The following HSPG2 variants were observed in gnomAD, a reference collection of about 807,000 sequenced individuals.
HSPG2 encodes basement membrane-specific heparan sulfate proteoglycan core protein.
A neutral mutation model predicts 526.6 loss-of-function variants in HSPG2; 278 were observed. The ratio of observed to expected loss-of-function variants is 0.53; its 90% CI spans 0.48 to 0.58. The LOEUF is 0.58. HSPG2 is among the 20% of genes least tolerant of loss of function. The pLI is 0.00. For missense variants in HSPG2, 5,354 were observed against 6,099.5 expected (o/e 0.88, Z 4.07); for synonymous variants, 2,465 against 2,555.4 (o/e 0.96, Z 1.07).
intron 83 of HSPG2, 43 bp from the exon 84 acceptor site, chr1:21,831,367 C>T: frequency 6.2e-7 from 1 of 1,604,230 alleles, no homozygotes; most frequent in Non-Finnish European, 8.5e-7. Context: ...CAGGGTGTCC[C>T]AGCCCATACC....
chr1:21,838,930 G>C lies in HSPG2; in HGVS notation c.10045C>G (p.Leu3349Val), dbSNP rs75843082. The change falls in exon 74 of 97, where the codon CTG becomes GTG. Residue 3349 changes from leucine to valine, a missense_variant. Transcript: ENST00000374695. The stretch of plus-strand genomic sequence containing the variant: ...GGGGCTGCACGCTCAAAGTGCAGCA[G>C]CTCGTTCCTGGCGGTCGCCCTCCCA... ...LPGRATARNE[L>V]LHFERAAPED... 1,745 of 1,612,330 alleles carry C rather than the reference G, an allele frequency of 1.1e-3. 16 individuals carry two copies. The African/African-American group carries it at 0.022, about 20-fold the overall frequency.
intron 3 of HSPG2, among the ~76,000 whole-genome samples, chr1:21,892,710 T>C (rs533082773): frequency 1.8e-4 from 27 of 151,778 alleles, no homozygotes; most frequent in Non-Finnish European, 2.5e-4. Context: ...ATACAAAAAT[T>C]AACCAGGCGT....
In HSPG2 at chr1:21,887,178, G is replaced by T; in HGVS notation, c.1078+37C>A. On this transcript the variant is annotated intron_variant, in intron 9 of 96. Coordinates refer to ENST00000374695, the MANE Select transcript of HSPG2 (RefSeq NM_005529.7). The surrounding 1 kb of genome is among the most constrained non-coding windows in gnomAD (Gnocchi z 5.0). ...GGGGCAGGAGCAAGCGGCCTGGGCA[G>T]GGCAAGGGGGCCTCAGCTGGACCCT... 1 of 1,612,312 alleles carries T rather than the reference G, an allele frequency of 6.2e-7. No homozygotes were observed. The highest frequency in any genetic ancestry group is 1.1e-5 in the South Asian group (1 of 90,972).
intron 87 of HSPG2, 150 bp downstream of exon 87, chr1:21,829,233 G>T: frequency 7.4e-7 from 1 of 1,348,054 alleles, no homozygotes; most frequent in Non-Finnish European, 1.0e-6. Flanking sequence ...CTAGGGATTG[G>T]CCTCAAGTGA....
At chr1:21,863,634 C>A (rs1361408197) in intron 37 of HSPG2, among the ~76,000 whole-genome samples, 1 of 151,412 alleles carries the variant, frequency 6.6e-6, no homozygotes, top group Non-Finnish European at 1.5e-5. Flanking sequence ...GTAGTCCCAG[C>A]TACTCGGGAG....
rs764726822 is a variant in HSPG2 at position 21,854,901 on chromosome 1, G to C, written c.6080C>G (p.Ala2027Gly). The C allele has an allele frequency of 3.7e-6, 6 of 1,614,010 alleles. No individual in the cohort carries two copies. The African/African-American group carries it at 8.0e-5, about 22-fold the overall frequency. The change falls in exon 48 of 97, where the codon GCC becomes GGC. Residue 2027 changes from alanine to glycine, a missense_variant. Transcript: ENST00000374695. ...TADAGFYLCV[A>G]TSPAGTAQAR... The stretch of plus-strand genomic sequence containing the variant: ...CTGGGCAGTGCCTGCAGGGCTGGTG[G>C]CCACGCAGAGGTAGAAGCCGGCGTC...
intron 18 of HSPG2, 37 bp from the exon 19 acceptor site, chr1:21,878,700 T>G: frequency 6.3e-7 from 1 of 1,578,924 alleles, no homozygotes; most frequent in Non-Finnish European, 8.7e-7. Context: ...GGGGCAGGGC[T>G]GGGGTCAGGC....
Position 21,865,610 on chromosome 1 carries a change from G to T in HSPG2, c.4314+107C>A, listed in dbSNP as rs551925938. 98 of 1,036,072 alleles carry T rather than the reference G, an allele frequency of 9.5e-5. No homozygotes were observed. The highest frequency in any genetic ancestry group is 1.4e-4 in the Non-Finnish European group (94 of 658,066). 64.2% of individuals were successfully genotyped at this position (1,036,072 alleles called of 1,614,324 possible). On this transcript the variant is annotated intron_variant, in intron 34 of 96. Coordinates refer to ENST00000374695, the MANE Select transcript of HSPG2 (RefSeq NM_005529.7). The surrounding 1 kb of genome is among the most constrained non-coding windows in gnomAD (Gnocchi z 5.4). ...CATGGGCCTAACTCCCCCAGCCTGTGCCAGAAAACTGAGTGCTGGATGGAA... is the reference window on the plus strand; with the variant it reads ...CATGGGCCTAACTCCCCCAGCCTGTTCCAGAAAACTGAGTGCTGGATGGAA...
intron 1 of HSPG2, among the ~76,000 whole-genome samples, chr1:21,919,845 A>G (rs1311539835): frequency 1.3e-5 from 2 of 152,174 alleles, no homozygotes; most frequent in African/African-American, 2.4e-5. Flanking sequence ...GCCCTCCGTA[A>G]AAGTGAGCTA....
At chr1:21,913,189 G>A (rs1011674155) in intron 1 of HSPG2, among the ~76,000 whole-genome samples, 4 of 152,108 alleles carry the variant, frequency 2.6e-5, no homozygotes, top group Non-Finnish European at 2.9e-5. Context: ...GCCAGGATAA[G>A]GGGCTACACA....
rs764396560 is a variant in HSPG2, at chr1:21,862,083, G to A, written c.4773C>T (p.Cys1591=). ...CGTAGTAGCCAGGGGCACAAAGCTC[G>A]CAGAACTCCCCTGCGGCGTTGTGCT... ...QCQHNAAGEF[C]ELCAPGYYGD... is the part of the protein sequence containing the mutation. The change falls in exon 38 of 97, where the codon TGC becomes TGT. Residue 1591 remains cysteine, a synonymous_variant. Coordinates refer to ENST00000374695, the MANE Select transcript of HSPG2 (RefSeq NM_005529.7). 8.1e-5 allele frequency: 131 copies of A among 1,613,732 alleles called. 2 individuals carry two copies. In the South Asian group the frequency reaches 1.0e-3, roughly 12 times the overall value.
In HSPG2 at chr1:21,864,121, G is replaced by T. The variant is rs1410103879; in HGVS notation, c.4719C>A (p.His1573Gln). 6.4e-7 allele frequency: 1 copy of T among 1,555,166 alleles called. No individual in the cohort carries two copies. The highest frequency in any genetic ancestry group is 8.7e-7 in the Non-Finnish European group (1 of 1,149,296). ...TCACCGAGCAGGCCCCAGTCTCTGG[G>T]TGGCACAGGTCTGAGTGGCCATTGC... is the stretch of plus-strand genomic sequence containing the variant. ...CECNGHSDLC[H>Q]PETGACSQCQ... Residue 1573 changes from histidine (H) to glutamine (Q), a missense_variant, in exon 37 of 97, where the codon CAC (histidine) becomes CAA (glutamine). Physicochemically the swap from His to Gln is conservative, Grantham distance 24 (BLOSUM62 0). Coordinates refer to ENST00000374695, the MANE Select transcript of HSPG2 (RefSeq NM_005529.7). The surrounding 1 kb of genome is among the most constrained non-coding windows in gnomAD (Gnocchi z 4.8).
At chr1:21,843,611 C>T (rs572371298) in intron 65 of HSPG2, among the ~76,000 whole-genome samples, 173 bp from the exon 66 acceptor site, 7 of 152,136 alleles carry the variant, frequency 4.6e-5, no homozygotes, top group South Asian at 4.2e-4. Context: ...ATGGTTTCTC[C>T]GGCAGGAGGA....
intron 83 of HSPG2, 59 bp downstream of exon 83, chr1:21,831,404 G>C: frequency 6.2e-7 from 1 of 1,604,870 alleles, no homozygotes; most frequent in Non-Finnish European, 8.5e-7. Context: ...GGCTCTCCAG[G>C]GCTCTTCCAG....
At chr1:21,922,395 G>C (rs956404030) in intron 1 of HSPG2, among the ~76,000 whole-genome samples, 2 of 152,210 alleles carry the variant, frequency 1.3e-5, no homozygotes, top group Non-Finnish European at 2.9e-5. Flanking sequence ...GGCGGCTCTG[G>C]GCTCTTTTCT....
intron 75 of HSPG2, 94 bp downstream of exon 75, chr1:21,836,708 A>G (rs2098027515): frequency 2.8e-6 from 3 of 1,075,220 alleles, no homozygotes; most frequent in Non-Finnish European, 4.1e-6. Flanking sequence ...ACAGTGCTTC[A>G]TGTTGCGCCC....
chr1:21,829,485 C>T lies in HSPG2; in HGVS notation c.11890G>A (p.Gly3964Arg), dbSNP rs1339990509. 4 of 1,613,278 alleles carry T rather than the reference C, an allele frequency of 2.5e-6. No individual in the cohort carries two copies. The highest frequency in any genetic ancestry group is 2.2e-5 in the East Asian group (1 of 44,894). ...DVEFKPLAPD[G>R]VLLFSGGKSG... ...TTCCCCCCGCTGAACAGCAGGACCC[C>T]GTCAGGGGCGAGTGGCTTGAACTCC... The change falls in exon 87 of 97, where the codon GGG becomes AGG. Residue 3964 changes from glycine (G) to arginine (R), a missense_variant. Coordinates refer to ENST00000374695, the MANE Select transcript of HSPG2 (RefSeq NM_005529.7).
At chr1:21,924,991 T>G (rs1401670276) in intron 1 of HSPG2, among the ~76,000 whole-genome samples, 1 of 152,186 alleles carries the variant, frequency 6.6e-6, no homozygotes, top group Non-Finnish European at 1.5e-5. Flanking sequence ...TGGGCACTTA[T>G]AGCTTACGAG....
rs774908533 is a variant in HSPG2 at position 21,880,523 on chromosome 1, G to A, written c.2035C>T (p.Arg679Cys). ...WVHESGRPVQ[R>C]AELLQVLQSL... The stretch of plus-strand genomic sequence containing the variant: ...TGCAGCACCTGCAGCAGCTCCGCGC[G>A]CTGCACCGGCCGGCCAGACTCATGG... The change falls in exon 16 of 97, where the codon CGC (arginine) becomes TGC (cysteine). Residue 679 changes from arginine to cysteine, a missense_variant. Coordinates refer to ENST00000374695, the MANE Select transcript of HSPG2 (RefSeq NM_005529.7). 2.5e-6 allele frequency: 4 copies of A among 1,613,612 alleles called. No homozygotes were observed. The highest frequency in any genetic ancestry group is 2.2e-5 in the East Asian group (1 of 44,874).
Sources: gnomAD v4.1 joint callset for allele counts (sites outside exome capture counted in the v4.1 genomes callset) on GRCh38, gnomAD v4.1.1 for gene constraint, Gnocchi (gnomAD v3.1) non-coding constraint, MANE v1.5 for transcripts, NCBI Gene and HGNC (gene_info 2026-07-23, HGNC 2026-07-21) for gene names.